Variants in POLQ observed in about 807,000 individuals in gnomAD.
POLQ encodes the protein epididymis secretory sperm binding protein.
POLQ carries 233 observed loss-of-function variants against 259.2 expected under a neutral mutation model. That is an observed-to-expected ratio of 0.90 (90% CI 0.81 to 1.00). The LOEUF is 1.00. Among genes scored for constraint, POLQ ranks in the 50% least tolerant of loss-of-function variants. The pLI, the probability that POLQ is intolerant of heterozygous loss-of-function variation, is 0.00. For missense variants in POLQ, 2,871 were observed against 3,051.6 expected (o/e 0.94, Z 1.39); for synonymous variants, 1,025 against 1,048.8 (o/e 0.98, Z 0.44).
chr3:121,478,536 G>T (rs2108793090), intron 19 of POLQ, among the ~76,000 whole-genome samples: 1 of 97,544 alleles, frequency 1.0e-5, no homozygotes, highest in South Asian at 3.0e-4. Flanking sequence ...AATCAAATAA[G>T]CAGAAATACA....
At chr3:121,524,967 CACAG>C (rs983900519) in intron 7 of POLQ, among the ~76,000 whole-genome samples, 8 of 139,598 alleles carry the variant, frequency 5.7e-5, no homozygotes, top group Admixed American at 4.4e-4. Context: ...CACACACACA[CACAG>C]AGTTGACTGT....
intron 19 of POLQ, among the ~76,000 whole-genome samples, chr3:121,477,035 C>T (rs1238731444): frequency 6.6e-6 from 1 of 152,192 alleles, no homozygotes; most frequent in Non-Finnish European, 1.5e-5. Flanking sequence ...CTACTCTTAG[C>T]AGCAGCATAA....
chr3:121,527,886 C>T (rs1019251742), intron 7 of POLQ, among the ~76,000 whole-genome samples: 9 of 152,118 alleles, frequency 5.9e-5, no homozygotes, highest in African/African-American at 1.9e-4. Flanking sequence ...ATTTATGAGA[C>T]ACAAACTGCT....
intron 2 of POLQ, among the ~76,000 whole-genome samples, chr3:121,542,327 C>A (rs1165908772): frequency 6.6e-6 from 1 of 151,942 alleles, no homozygotes; most frequent in Non-Finnish European, 1.5e-5. Context: ...GAAGAGGAGG[C>A]TGCAGTGAGT....
At chr3:121,536,613 C>T (rs2048453409) in intron 5 of POLQ, among the ~76,000 whole-genome samples, 1 of 152,082 alleles carries the variant, frequency 6.6e-6, no homozygotes. Context: ...AATGTTTACA[C>T]AGTAATCTAA....
chr3:121,507,847 C>T lies in POLQ; in HGVS notation c.1959+1714G>A, dbSNP rs558916320. Among the ~76,000 whole-genome samples, 3 of 152,102 alleles carry T rather than the reference C, an allele frequency of 2.0e-5. No homozygotes were observed. The East Asian group carries it at 5.8e-4, about 29-fold the overall frequency. On this transcript the variant is annotated intron_variant, in intron 12 of 29. Coordinates refer to ENST00000264233, the MANE Select transcript of POLQ (RefSeq NM_199420.4). Reference sequence around the variant, plus strand: ...TTTCTCAGAGCTTTCAGTTATCTCACTTATATTTTTTTGCTTGTTTTTAAG... The same window carrying T: ...TTTCTCAGAGCTTTCAGTTATCTCATTTATATTTTTTTGCTTGTTTTTAAG...
intron 10 of POLQ, among the ~76,000 whole-genome samples, chr3:121,511,378 C>G (rs999477763): frequency 4.0e-5 from 6 of 151,556 alleles, no homozygotes; most frequent in Admixed American, 3.9e-4. Flanking sequence ...AGCCTGGCAA[C>G]AGAGCGAGAC....
intron 16 of POLQ, 54 bp downstream of exon 16, chr3:121,487,248 C>G: frequency 1.1e-6 from 1 of 919,176 alleles, no homozygotes; most frequent in Non-Finnish European, 1.6e-6. Flanking sequence ...ACTCTTATCT[C>G]AGTCTACTAA....
At chr3:121,544,538 CCAGT>C (rs370659196) in intron 2 of POLQ, among the ~76,000 whole-genome samples, 185 bp downstream of exon 2, 65 of 152,186 alleles carry the variant, frequency 4.3e-4, no homozygotes, top group Non-Finnish European at 7.1e-4. Context: ...TCCCTCCACC[CCAGT>C]CAAACAATAA....
At chr3:121,432,814 T>C (rs1560081800) in intron 29 of POLQ, 104 bp downstream of exon 29, 1 of 722,608 alleles carries the variant, frequency 1.4e-6, no homozygotes, top group Admixed American at 2.1e-5. Context: ...ATCCCAGGGC[T>C]AGGGTAGAGT....
intron 27 of POLQ, among the ~76,000 whole-genome samples, chr3:121,438,821 G>T (rs2047564968): frequency 1.3e-5 from 2 of 152,154 alleles, no homozygotes; most frequent in South Asian, 2.1e-4. Context: ...TATGGTAAAA[G>T]CCTGATAAAT....
At chr3:121,467,872 T>A (rs2108787847) in intron 23 of POLQ, among the ~76,000 whole-genome samples, 1 of 152,110 alleles carries the variant, frequency 6.6e-6, no homozygotes, top group Admixed American at 6.6e-5. Flanking sequence ...GAGACCCTTG[T>A]CTCTACAAAA....
chr3:121,443,384 CTT>C (rs749579537), intron 26 of POLQ, among the ~76,000 whole-genome samples: 4 of 152,204 alleles, frequency 2.6e-5, no homozygotes, highest in Non-Finnish European at 5.9e-5. Flanking sequence ...TCATAAACCT[CTT>C]TGCCATTTGT....
intron 12 of POLQ, among the ~76,000 whole-genome samples, chr3:121,500,819 GA>G (rs1264526267): frequency 6.6e-6 from 1 of 152,090 alleles, no homozygotes; most frequent in African/African-American, 2.4e-5. Flanking sequence ...AAAACAGCAA[GA>G]AAAAGTCATC....
At chr3:121,520,586 C>T (rs1301885685) in intron 8 of POLQ, among the ~76,000 whole-genome samples, 1 of 152,150 alleles carries the variant, frequency 6.6e-6, no homozygotes, top group East Asian at 1.9e-4. Context: ...ATACCTCTAC[C>T]TTATTTTCTA....
chr3:121,532,015 AATGT>A (rs1394945415), intron 6 of POLQ, among the ~76,000 whole-genome samples: 15 of 152,338 alleles, frequency 9.8e-5, no homozygotes, highest in African/African-American at 3.4e-4. Context: ...TCACTCCACC[AATGT>A]ACATGAGTCA....
At chr3:121,507,894 C>A (rs992617180) in intron 12 of POLQ, among the ~76,000 whole-genome samples, 1 of 151,970 alleles carries the variant, frequency 6.6e-6, no homozygotes, top group African/African-American at 2.4e-5. Context: ...CTTGCTGTCA[C>A]CAAGGCTGGA....
chr3:121,530,662 G>T (rs2048404802), intron 6 of POLQ, among the ~76,000 whole-genome samples: 1 of 152,082 alleles, frequency 6.6e-6, no homozygotes, highest in Admixed American at 6.6e-5. Context: ...TGAACAAAAG[G>T]GCACATGTGA....
At chr3:121,474,569 C>A (rs1057490852) in intron 20 of POLQ, among the ~76,000 whole-genome samples, 1 of 151,978 alleles carries the variant, frequency 6.6e-6, no homozygotes, top group Admixed American at 6.6e-5. Context: ...TGTGTAAGTA[C>A]AAGAATTTTT....
Sources: gnomAD v4.1 joint callset for allele counts (sites outside exome capture counted in the v4.1 genomes callset) on GRCh38, gnomAD v4.1.1 for gene constraint, MANE v1.5 for transcripts, NCBI Gene and HGNC (gene_info 2026-07-23, HGNC 2026-07-21) for gene names.